SOCS7: variants seen among roughly 807,000 people sequenced by gnomAD.
SOCS7 encodes suppressor of cytokine signaling 7, also known as NAP-4.
Under a neutral mutation model 58.9 loss-of-function variants are expected in SOCS7, and 18 were observed. The observed-to-expected ratio is 0.31, with a 90% CI of 0.21 to 0.45. The LOEUF (loss-of-function observed/expected upper bound fraction) is 0.45, where lower values mean the gene tolerates loss of function less well. SOCS7 is among the 20% of genes least tolerant of loss of function. The pLI is 1.00. For synonymous variants in SOCS7, 388 were observed against 364.3 expected, an observed-to-expected ratio of 1.06 and a Z score of -0.74; for missense variants, 667 against 837.3, an observed-to-expected ratio of 0.80 and a Z score of 2.51.
At position 38,360,129 on chromosome 17, in the gene SOCS7, A is replaced by G. The variant is rs587759730; in HGVS notation, c.981-1582A>G. On this transcript the variant is annotated intron_variant, in intron 1 of 9. Coordinates refer to ENST00000612932, the MANE Select transcript of SOCS7 (RefSeq NM_014598.4). ...TTTACCCTTTTAAGTGTCCAGCTCT[A>G]TTAATTTTGACAAATTTATATATAG... Among the ~76,000 whole-genome samples the G allele has an allele frequency of 3.6e-4, 55 of 152,028 alleles. 1 individual carries two copies. Among genetic ancestry groups the G allele is most frequent in the Admixed American group, 6.5e-4 (10 of 15,268 alleles).
chr17:38,386,435 C>G lies in SOCS7; in HGVS notation c.1681+8593C>G, dbSNP rs1004254987. Among the ~76,000 whole-genome samples the G allele has an allele frequency of 2.3e-4, 35 of 151,836 alleles. 1 individual carries two copies. The highest frequency in any genetic ancestry group is 7.3e-4 in the African/African-American group (30 of 41,282). ...TGTGTTCATGCCACTGCACTCCAGC[C>G]TGGGTGACAGAGTGAGACTGTATCT... On this transcript the variant is annotated intron_variant, in intron 7 of 9. Coordinates refer to ENST00000612932, the MANE Select transcript of SOCS7 (RefSeq NM_014598.4).
At position 38,403,696 on chromosome 17, in the gene SOCS7, CA is replaced by C. The variant is rs1292395236; in HGVS notation, c.*4215del. The C allele has an allele frequency of 6.6e-6, 1 of 152,090 alleles. No individual in the cohort carries two copies. The highest frequency in any genetic ancestry group is 1.5e-5 in the Non-Finnish European group (1 of 68,024). The allele number at this position is 152,090 out of a possible 1,614,324, so 9.4% of individuals were successfully genotyped here. ...GCATCTCCACTGGGCGGAGACCTGGCATTTGTTTTCCACTGTTAAGAGAATG... is the reference window on the plus strand; with the variant it reads ...GCATCTCCACTGGGCGGAGACCTGGCTTTGTTTTCCACTGTTAAGAGAATG... On this transcript the variant is annotated 3_prime_UTR_variant, in exon 10 of 10. Coordinates refer to ENST00000612932, the MANE Select transcript of SOCS7 (RefSeq NM_014598.4).
At chr17:38,361,255 G>A (rs1255596187) in intron 1 of SOCS7, among the ~76,000 whole-genome samples, 1 of 152,250 alleles carries the variant, frequency 6.6e-6, no homozygotes, top group Non-Finnish European at 1.5e-5. Flanking sequence ...CTATTCTCAG[G>A]TCAGAATCTG....
intron 2 of SOCS7, among the ~76,000 whole-genome samples, chr17:38,363,168 C>T (rs2037742973): frequency 6.6e-6 from 1 of 152,088 alleles, no homozygotes; most frequent in African/African-American, 2.4e-5. Flanking sequence ...CAGCCTCAGC[C>T]CTCTTGAATG....
At chr17:38,389,544 A>G (rs375844479) in intron 7 of SOCS7, among the ~76,000 whole-genome samples, 3 of 152,086 alleles carry the variant, frequency 2.0e-5, no homozygotes, top group African/African-American at 4.8e-5. Flanking sequence ...TTTTATCTCA[A>G]AAAATAAAGT....
intron 7 of SOCS7, among the ~76,000 whole-genome samples, chr17:38,382,182 A>C (rs1030940879): frequency 6.6e-6 from 1 of 151,826 alleles, no homozygotes; most frequent in African/African-American, 2.4e-5. Flanking sequence ...TAATCCCAGC[A>C]CTTTGGGAGG....
At chr17:38,353,514 T>G (rs1386280879) in intron 1 of SOCS7, among the ~76,000 whole-genome samples, 5 of 152,192 alleles carry the variant, frequency 3.3e-5, no homozygotes, top group Non-Finnish European at 7.3e-5. Context: ...CAGCAATCAA[T>G]TGGACACCTC....
At chr17:38,375,822 AT>A (rs200769282) in intron 6 of SOCS7, 275 of 144,872 alleles carry the variant, frequency 1.9e-3, no homozygotes, top group Middle Eastern at 3.5e-3. Context: ...AACAAAACCA[AT>A]TTTTTTTTTT....
At chr17:38,381,705 T>TG (rs2038002344) in intron 7 of SOCS7, among the ~76,000 whole-genome samples, 1 of 152,192 alleles carries the variant, frequency 6.6e-6, no homozygotes, top group Non-Finnish European at 1.5e-5. Flanking sequence ...GGCTCACGCC[T>TG]GTAATCCCAG....
chr17:38,361,185 G>A (rs1047871683), intron 1 of SOCS7, among the ~76,000 whole-genome samples: 3 of 152,224 alleles, frequency 2.0e-5, no homozygotes, highest in African/African-American at 7.2e-5. Context: ...CATGCCTTGG[G>A]GCAATTGTGC....
Position 38,404,608 on chromosome 17 carries a change from C to G in SOCS7, c.*5126C>G, listed in dbSNP as rs2038365777. ...GGAAGACATGCATGTTTGGTTGCAG[C>G]TGGACTGCGATCGTAGTTCCTCCTG... On this transcript the variant is annotated 3_prime_UTR_variant, in exon 10 of 10. Transcript: ENST00000612932. 1 of 152,278 alleles carries G rather than the reference C, an allele frequency of 6.6e-6. No homozygotes were observed. The highest frequency in any genetic ancestry group is 6.5e-5 in the Admixed American group (1 of 15,278). The allele number at this position is 152,278 out of a possible 1,614,324, so 9.4% of individuals were successfully genotyped here. A position where few individuals can be genotyped will look rare whatever the true frequency, so the allele number is the denominator to read the frequency against.
chr17:38,360,614 A>T lies in SOCS7; in HGVS notation c.981-1097A>T, dbSNP rs41341449. Among the ~76,000 whole-genome samples the T allele has an allele frequency of 9.9e-3, 1,499 of 151,968 alleles. 25 individuals are homozygous for T. The highest frequency in any genetic ancestry group is 0.035 in the African/African-American group (1,446 of 41,424). Reference sequence around the variant, plus strand: ...GAGTGCAGTAGTGCGATCTTGGCTCACTGCAAGCTCCGCCTCCTGGGTTCA... The same window carrying T: ...GAGTGCAGTAGTGCGATCTTGGCTCTCTGCAAGCTCCGCCTCCTGGGTTCA... On this transcript the variant is annotated intron_variant, in intron 1 of 9. Transcript: ENST00000612932.
At chr17:38,368,221 G>T (rs1158019357) in intron 6 of SOCS7, among the ~76,000 whole-genome samples, 171 bp downstream of exon 6, 1 of 152,180 alleles carries the variant, frequency 6.6e-6, no homozygotes, top group African/African-American at 2.4e-5. Flanking sequence ...TAGAAGAAAT[G>T]GAGGGGGTAG....
chr17:38,355,716 T>C (rs921593858), intron 1 of SOCS7, among the ~76,000 whole-genome samples: 1 of 152,198 alleles, frequency 6.6e-6, no homozygotes, highest in African/African-American at 2.4e-5. Context: ...CATAATTCCC[T>C]TTGCTATTCC....
chr17:38,382,437 C>CAAAAAA (rs1190332565), intron 7 of SOCS7, among the ~76,000 whole-genome samples: 7 of 68,564 alleles, frequency 1.0e-4, no homozygotes, highest in Non-Finnish European at 1.5e-4. Context: ...GACCCTATCT[C>CAAAAAA]AAAAAAAAAA....
At position 38,352,613 on chromosome 17, in the gene SOCS7, G is replaced by A. The variant is rs2037570584; in HGVS notation, c.561G>A (p.Glu187=). 2.6e-6 allele frequency: 4 copies of A among 1,549,978 alleles called. No homozygotes were observed. The African/African-American group carries it at 4.1e-5, about 16-fold the overall frequency. The change falls in exon 1 of 10, where the codon GAG becomes GAA. Residue 187 remains glutamate, a synonymous_variant. Coordinates refer to ENST00000612932, the MANE Select transcript of SOCS7 (RefSeq NM_014598.4). This position sits in a 1 kb window ranked among gnomAD's most constrained non-coding sequence, Gnocchi z 5.5. ...TGGTCCTGGAGGGCTTGGAATCGGA[G>A]GCCGAGAGCCTGGAGACTAACAGCT... The part of the protein sequence containing the change: ...ALLVLEGLES[E]AESLETNSCS...
At chr17:38,360,948 C>CT (rs587667386) in intron 1 of SOCS7, among the ~76,000 whole-genome samples, 452 of 152,340 alleles carry the variant, frequency 3.0e-3, no homozygotes, top group African/African-American at 0.01. Flanking sequence ...TTTTGAGTTT[C>CT]TTTCATTTCT....
Position 38,395,974 on chromosome 17 carries a change from G to T in SOCS7, c.*6G>T, listed in dbSNP as rs1665653558. ...AGGTGGAACCCTCCACGTAGCGAGG[G>T]GCTCCCTGCTGGTCACCACCAAGGG... On this transcript the variant is annotated 3_prime_UTR_variant, in exon 9 of 10. Coordinates refer to ENST00000612932, the MANE Select transcript of SOCS7 (RefSeq NM_014598.4). 6.3e-7 allele frequency: 1 copy of T among 1,596,146 alleles called. No individual in the cohort carries two copies. The highest frequency in any genetic ancestry group is 8.5e-7 in the Non-Finnish European group (1 of 1,175,830).
chr17:38,377,271 A>T (rs1195615210), intron 6 of SOCS7, among the ~76,000 whole-genome samples: 1 of 152,212 alleles, frequency 6.6e-6, no homozygotes, highest in East Asian at 1.9e-4. Context: ...AGTATCCCTA[A>T]TCTGAAATCC....
Sources: gnomAD v4.1 joint callset for allele counts (sites outside exome capture counted in the v4.1 genomes callset) on GRCh38, gnomAD v4.1.1 for gene constraint, Gnocchi (gnomAD v3.1) non-coding constraint, MANE v1.5 for transcripts, NCBI Gene and HGNC (gene_info 2026-07-23, HGNC 2026-07-21) for gene names.